The following TXNRD1 variants were observed in gnomAD, a reference collection of about 807,000 sequenced individuals.
The protein encoded by TXNRD1 is thioredoxin reductase 1.
In TXNRD1, 57 loss-of-function variants were observed where a neutral mutation model predicts 80.3. The observed-to-expected ratio is 0.71, with a 90% CI of 0.57 to 0.89. The LOEUF is 0.89. Among genes scored for constraint, TXNRD1 ranks in the 40% least tolerant of loss-of-function variants. The pLI is 0.00. For synonymous variants in TXNRD1, 291 were observed against 285.2 expected, an observed-to-expected ratio of 1.02 and a Z score of -0.20; for missense variants, 730 against 803.0, an observed-to-expected ratio of 0.91 and a Z score of 1.10.
chr12:104,336,845 T>C (rs1276415844), intron 15 of TXNRD1, among the ~76,000 whole-genome samples: 1 of 152,198 alleles, frequency 6.6e-6, no homozygotes, highest in African/African-American at 2.4e-5. Flanking sequence ...CTGAAGCACA[T>C]GGAAGTTAAG....
At chr12:104,249,288 T>G (rs189093258) in intron 1 of TXNRD1, among the ~76,000 whole-genome samples, 3 of 152,324 alleles carry the variant, frequency 2.0e-5, no homozygotes, top group African/African-American at 7.2e-5. Context: ...AATCCCATTC[T>G]TGAGGGCTCC....
Position 104,311,841 on chromosome 12 carries a change from C to T in TXNRD1, c.537+429C>T, listed in dbSNP as rs1262226407. ...ACTAAAAATACAAAAATTAGCCAGG[C>T]GTGGTGGTGGGCACCTGTAATCCCA... On this transcript the variant is annotated intron_variant, in intron 5 of 16. Coordinates refer to ENST00000525566, the MANE Select transcript of TXNRD1 (RefSeq NM_001093771.3). Among the ~76,000 whole-genome samples the T allele has an allele frequency of 3.3e-5, 5 of 151,990 alleles. No individual in the cohort carries two copies. The East Asian group carries it at 5.8e-4, about 18-fold the overall frequency.
chr12:104,235,333 TGTTACAGATTGGGAACGGATGTGC>T (rs1451120554), intron 1 of TXNRD1, among the ~76,000 whole-genome samples: 1 of 152,156 alleles, frequency 6.6e-6, no homozygotes, highest in Non-Finnish European at 1.5e-5. Flanking sequence ...AGATGTGGGT[TGTTACAGATTGGGAACGGATGTGC>T]GTTACAGATT....
At position 104,235,155 on chromosome 12, in the gene TXNRD1, A is replaced by G. The variant is rs140397407; in HGVS notation, c.92-16372A>G. Among the ~76,000 whole-genome samples the G allele has an allele frequency of 5.5e-3, 838 of 152,302 alleles. 7 individuals are homozygous for G. Among genetic ancestry groups the G allele is most frequent in the African/African-American group, 0.019 (794 of 41,574 alleles). ...ATTCTTCTGGTCACTGTGAGAGCAC[A>G]CTGAACAAAGGAGGGAAGGGTTTTT... is the stretch of plus-strand genomic sequence containing the variant. On this transcript the variant is annotated intron_variant, in intron 1 of 16. Transcript: ENST00000525566.
Position 104,319,503 on chromosome 12 carries a change from T to A in TXNRD1, c.907T>A (p.Ser303Thr). 1.9e-6 allele frequency: 3 copies of A among 1,597,286 alleles called. No individual in the cohort carries two copies. Among genetic ancestry groups the A allele is most frequent in the Non-Finnish European group, 2.6e-6 (3 of 1,171,516 alleles). Residue 303 changes from serine to threonine, a missense_variant, in exon 9 of 17, where the codon TCA (serine) becomes ACA (threonine). Physicochemically the swap from Ser to Thr is moderately conservative, Grantham distance 58. Transcript: ENST00000525566. ...TAATAAAGGCAAAGAAAAAATTTATTCAGCAGAGAGATTTCTCATTGCCAC... is the reference window on the plus strand; with the variant it reads ...TAATAAAGGCAAAGAAAAAATTTATACAGCAGAGAGATTTCTCATTGCCAC... The part of the protein sequence containing the change: ...TNNKGKEKIY[S>T]AERFLIATGE...
In TXNRD1 at chr12:104,311,333, G is replaced by A. The variant is rs1193238149; in HGVS notation, c.458G>A (p.Gly153Asp). 1 of 1,611,420 alleles carries A rather than the reference G, an allele frequency of 6.2e-7. No homozygotes were observed. Among genetic ancestry groups the A allele is most frequent in the Admixed American group, 1.7e-5 (1 of 59,552 alleles). ...CTTCAAAAGCTACTAAAAATGAACG[G>A]CCCTGAAGATCTTCCCAAGTCCTAT... is the stretch of plus-strand genomic sequence containing the variant. Reference protein sequence around the residue: ...GRLQKLLKMNGPEDLPKSYDY... With the variant: ...GRLQKLLKMNDPEDLPKSYDY... Residue 153 changes from glycine to aspartate, a missense_variant, in exon 5 of 17, where the codon GGC becomes GAC. Physicochemically the swap from Gly to Asp is moderately conservative, Grantham distance 94. Coordinates refer to ENST00000525566, the MANE Select transcript of TXNRD1 (RefSeq NM_001093771.3).
At position 104,266,881 on chromosome 12, in the gene TXNRD1, G is replaced by T. The variant is rs1006805151; in HGVS notation, c.304+8802G>T. On this transcript the variant is annotated intron_variant, in intron 3 of 16. Coordinates refer to ENST00000525566, the MANE Select transcript of TXNRD1 (RefSeq NM_001093771.3). The stretch of plus-strand genomic sequence containing the variant: ...GGAGGTTGAGGCAGGAGAATGGTGT[G>T]AACCCGGGAGGCGGAGCTTGCAATA... Among the ~76,000 whole-genome samples the T allele has an allele frequency of 5.9e-5, 9 of 152,120 alleles. No individual in the cohort carries two copies. In the East Asian group the frequency reaches 1.7e-3, roughly 29 times the overall value.
intron 1 of TXNRD1, among the ~76,000 whole-genome samples, chr12:104,240,266 T>C (rs1298825337): frequency 6.6e-6 from 1 of 152,212 alleles, no homozygotes; most frequent in African/African-American, 2.4e-5. Context: ...GTACCATTGT[T>C]TTCTGCAGTT....
At chr12:104,325,019 A>G (rs768134812) in intron 10 of TXNRD1, among the ~76,000 whole-genome samples, 22 of 152,170 alleles carry the variant, frequency 1.4e-4, no homozygotes, top group Non-Finnish European at 2.6e-4. Flanking sequence ...ACCTGGGAAA[A>G]GCAGTAAGTC....
intron 4 of TXNRD1, among the ~76,000 whole-genome samples, chr12:104,306,893 C>T (rs1375238543): frequency 6.6e-6 from 1 of 152,130 alleles, no homozygotes; most frequent in African/African-American, 2.4e-5. Context: ...CAAAAAGATC[C>T]CGCCCCAGTA....
intron 7 of TXNRD1, 90 bp from the exon 8 acceptor site, chr12:104,318,823 T>C: frequency 2.1e-6 from 3 of 1,426,242 alleles, no homozygotes; most frequent in Non-Finnish European, 2.9e-6. Context: ...AGAGCTCTGC[T>C]CCCTGTATTT....
intron 4 of TXNRD1, among the ~76,000 whole-genome samples, chr12:104,299,697 G>T (rs1474700557): frequency 2.0e-5 from 3 of 150,428 alleles, no homozygotes; most frequent in Non-Finnish European, 4.4e-5. Flanking sequence ...AGTCCGGGGG[G>T]TGTAGGTTGC....
At chr12:104,241,249 C>G (rs1423510583) in intron 1 of TXNRD1, among the ~76,000 whole-genome samples, 1 of 151,930 alleles carries the variant, frequency 6.6e-6, no homozygotes, top group Non-Finnish European at 1.5e-5. Context: ...CCATGTTGGC[C>G]AGGCTGGTGT....
intron 16 of TXNRD1, chr12:104,346,068 A>G (rs550442321): frequency 8.9e-7 from 1 of 1,124,644 alleles, no homozygotes; most frequent in East Asian, 5.8e-5. Context: ...GCTGGAGTGC[A>G]GTGGTGTGAT....
intron 1 of TXNRD1, among the ~76,000 whole-genome samples, chr12:104,242,420 C>T (rs542029692): frequency 2.0e-4 from 31 of 151,880 alleles, no homozygotes; most frequent in East Asian, 4.0e-4. Flanking sequence ...TGGTGGCGCA[C>T]GCCTGTAGTC....
At chr12:104,221,394 T>G (rs2032354633) in intron 1 of TXNRD1, among the ~76,000 whole-genome samples, 1 of 152,194 alleles carries the variant, frequency 6.6e-6, no homozygotes, top group African/African-American at 2.4e-5. Flanking sequence ...CTTGGCTCAC[T>G]GCAAACTCCA....
chr12:104,266,512 G>A (rs1298235315), intron 3 of TXNRD1, among the ~76,000 whole-genome samples: 95 of 106,258 alleles, frequency 8.9e-4, no homozygotes, highest in Non-Finnish European at 1.6e-3. Flanking sequence ...GTGACAGAGC[G>A]AGAATTCATC....
At chr12:104,304,103 G>A (rs781467215) in intron 4 of TXNRD1, 35 of 1,613,924 alleles carry the variant, frequency 2.2e-5, no homozygotes, top group Non-Finnish European at 2.5e-5. Flanking sequence ...GAACCGGGAG[G>A]ACATCGTGAG....
chr12:104,237,423 A>T (rs957096739), intron 1 of TXNRD1, among the ~76,000 whole-genome samples: 15 of 152,182 alleles, frequency 9.9e-5, no homozygotes, highest in African/African-American at 2.4e-5. Context: ...TGGTAGAAGC[A>T]CTACACTGTC....
Sources: allele counts gnomAD v4.1 joint callset (sites outside exome capture counted in the v4.1 genomes callset), GRCh38; gene constraint gnomAD v4.1.1; transcripts MANE v1.5; gene names NCBI Gene and HGNC (gene_info 2026-07-23, HGNC 2026-07-21).